Variants in ADAM12 observed in about 807,000 individuals in gnomAD.
ADAM12 encodes ADAM metallopeptidase domain 12, also known as disintegrin and metalloproteinase domain-containing protein 12.
In ADAM12, 70 loss-of-function variants were observed where a neutral mutation model predicts 106.4. The observed-to-expected ratio is 0.66, with a 90% CI of 0.54 to 0.80. The LOEUF (loss-of-function observed/expected upper bound fraction) is 0.80. ADAM12 is among the 30% of genes least tolerant of loss of function. The probability of loss-of-function intolerance (pLI) is 0.00; values close to 1 mark genes in which losing one functional copy is unlikely to be tolerated. For synonymous variants in ADAM12, 420 were observed against 433.5 expected, an observed-to-expected ratio of 0.97 and a Z score of 0.39; for missense variants, 1,010 against 1,171.9, an observed-to-expected ratio of 0.86 and a Z score of 2.02.
intron 3 of ADAM12, among the ~76,000 whole-genome samples, chr10:126,187,511 C>A (rs1450143509): frequency 6.6e-6 from 1 of 152,114 alleles, no homozygotes; most frequent in African/African-American, 2.4e-5. Flanking sequence ...AGGCAGAAGG[C>A]TCAGGTCTGG....
chr10:126,190,015 GA>G (rs1345586263), intron 3 of ADAM12, among the ~76,000 whole-genome samples: 1 of 152,022 alleles, frequency 6.6e-6, no homozygotes, highest in East Asian at 1.9e-4. Flanking sequence ...TTGTGAATGG[GA>G]TCCTGAGCTC....
intron 4 of ADAM12, among the ~76,000 whole-genome samples, chr10:126,152,542 G>A (rs1956746245): frequency 6.7e-6 from 1 of 150,320 alleles, no homozygotes; most frequent in Non-Finnish European, 1.5e-5. Flanking sequence ...CTTCTCTGAT[G>A]TTACCACTAC....
rs1381658015 is a variant in ADAM12 at position 126,340,674 on chromosome 10, C to T, written c.89-10165G>A. On this transcript the variant is annotated intron_variant, in intron 1 of 22. Coordinates refer to ENST00000448723, the MANE Select transcript of ADAM12 (RefSeq NM_001288973.2). The stretch of plus-strand genomic sequence containing the variant: ...CTCTACTGCCACCATACTGACCAGC[C>T]TCCTGACCCCTTAATAGTGCTCAGC... 2.0e-5 allele frequency among the ~76,000 whole-genome samples: 3 copies of T among 152,048 alleles called. No homozygotes were observed. The East Asian group carries it at 5.8e-4, about 29-fold the overall frequency.
chr10:126,283,263 C>T (rs76856987), intron 2 of ADAM12, among the ~76,000 whole-genome samples: 2 of 152,106 alleles, frequency 1.3e-5, no homozygotes, highest in East Asian at 1.9e-4. Context: ...CGCCTGCTGC[C>T]GTGTGACCTG....
At chr10:126,254,806 A>T (rs1420379337) in intron 3 of ADAM12, among the ~76,000 whole-genome samples, 1 of 152,178 alleles carries the variant, frequency 6.6e-6, no homozygotes, top group Non-Finnish European at 1.5e-5. Flanking sequence ...ACCTGTTCAG[A>T]AATTGCTTCA....
intron 4 of ADAM12, among the ~76,000 whole-genome samples, chr10:126,143,908 T>C (rs776649967): frequency 1.7e-4 from 26 of 152,192 alleles, no homozygotes; most frequent in Non-Finnish European, 3.4e-4. Context: ...ACAATGCATC[T>C]GAGCAAAGAA....
At chr10:126,160,088 C>T (rs1468528057) in intron 3 of ADAM12, among the ~76,000 whole-genome samples, 2 of 152,082 alleles carry the variant, frequency 1.3e-5, no homozygotes, top group African/African-American at 4.8e-5. Context: ...CACTTGTGTA[C>T]ATTGTATCTT....
chr10:126,192,440 G>A (rs1348927796), intron 3 of ADAM12, among the ~76,000 whole-genome samples: 1 of 152,076 alleles, frequency 6.6e-6, no homozygotes, highest in Non-Finnish European at 1.5e-5. Flanking sequence ...CCTTCCAAAG[G>A]CTTATGTTCA....
At chr10:126,054,992 A>G (rs1954597604) in intron 14 of ADAM12, among the ~76,000 whole-genome samples, 2 of 152,204 alleles carry the variant, frequency 1.3e-5, no homozygotes, top group Non-Finnish European at 2.9e-5. Context: ...CATGGTCTCC[A>G]GGGCCTTACA....
intron 3 of ADAM12, among the ~76,000 whole-genome samples, chr10:126,212,081 G>A (rs533079820): frequency 1.6e-4 from 24 of 152,340 alleles, no homozygotes; most frequent in African/African-American, 5.5e-4. Context: ...ACTCCCAGGC[G>A]TGACTGCTGC....
intron 1 of ADAM12, among the ~76,000 whole-genome samples, chr10:126,368,764 G>C (rs968630665): frequency 6.6e-6 from 1 of 151,686 alleles, no homozygotes; most frequent in African/African-American, 2.4e-5. Flanking sequence ...CACTTCAAAA[G>C]TTTAAAATGA....
At chr10:126,304,915 T>G (rs1565202579) in intron 2 of ADAM12, among the ~76,000 whole-genome samples, 2 of 151,996 alleles carry the variant, frequency 1.3e-5, no homozygotes, top group Non-Finnish European at 2.9e-5. Context: ...TTATAATGGT[T>G]GAGTTGAAGA....
intron 21 of ADAM12, among the ~76,000 whole-genome samples, chr10:126,029,309 A>G (rs2133386756): frequency 6.6e-6 from 1 of 152,322 alleles, no homozygotes; most frequent in East Asian, 1.9e-4. Context: ...CTGCAGCACT[A>G]TTCACAATAG....
Position 126,049,595 on chromosome 10 carries a change from CTT to C in ADAM12, c.1682_1683del (p.Lys561SerfsTer15). ...CATTTGGCAAAGGAACTCTTCGAGACTTTGCCACAGTTGCCATAAGGATCACC... is the reference window on the plus strand; with the variant it reads ...CATTTGGCAAAGGAACTCTTCGAGACTGCCACAGTTGCCATAAGGATCACC... ...SAGDPYGNCG[K>X]VSKSSFAKCE... On this transcript the variant is annotated frameshift_variant, in exon 15 of 23. Coordinates refer to ENST00000448723, the MANE Select transcript of ADAM12 (RefSeq NM_001288973.2). LOFTEE classifies it high-confidence loss of function. This position sits in a 1 kb window ranked among gnomAD's most constrained non-coding sequence, Gnocchi z 4.4. 4 of 1,614,220 alleles carry C rather than the reference CTT, an allele frequency of 2.5e-6. No individual in the cohort carries two copies. The highest frequency in any genetic ancestry group is 3.4e-6 in the Non-Finnish European group (4 of 1,180,054).
intron 11 of ADAM12, among the ~76,000 whole-genome samples, chr10:126,081,892 A>AC (rs1422513325): frequency 6.6e-6 from 1 of 152,230 alleles, no homozygotes; most frequent in Non-Finnish European, 1.5e-5. Context: ...TATAGAATGT[A>AC]GTACTTGTAG....
chr10:126,155,328 T>G, intron 3 of ADAM12, 23 bp from the exon 4 acceptor site: 1 of 1,603,298 alleles, frequency 6.2e-7, no homozygotes, highest in Non-Finnish European at 8.5e-7. Context: ...AAAAACACCA[T>G]AAAAAGATGA....
At chr10:126,186,318 G>A (rs1447543605) in intron 3 of ADAM12, among the ~76,000 whole-genome samples, 1 of 152,212 alleles carries the variant, frequency 6.6e-6, no homozygotes, top group African/African-American at 2.4e-5. Flanking sequence ...AAAAGTGAGA[G>A]TCTATTGCCG....
intron 3 of ADAM12, among the ~76,000 whole-genome samples, chr10:126,268,065 CT>C (rs59167464): frequency 0.05 from 7,613 of 152,244 alleles, 330 homozygotes; most frequent in African/African-American, 0.11. Flanking sequence ...TGACATCCAT[CT>C]CCATAAGTCT....
chr10:126,388,041 C>T lies in ADAM12; in HGVS notation c.88+17G>A, dbSNP rs1327627684. 5 of 1,210,750 alleles carry T rather than the reference C, an allele frequency of 4.1e-6. No homozygotes were observed. Among genetic ancestry groups the T allele is most frequent in the South Asian group, 8.1e-5 (2 of 24,624 alleles). The allele number at this position is 1,210,750 out of a possible 1,614,324, so 75.0% of individuals were successfully genotyped here. On this transcript the variant is annotated intron_variant, in intron 1 of 22. Transcript: ENST00000448723. This position sits in a 1 kb window ranked among gnomAD's most constrained non-coding sequence, Gnocchi z 4.4. ...TCGGCGGGGCGGGCAGCGAGCCGCC[C>T]TAGTTCGGCGACTTACCTCGGGCCT...
Sources: allele counts gnomAD v4.1 joint callset (sites outside exome capture counted in the v4.1 genomes callset), GRCh38; gene constraint gnomAD v4.1.1; non-coding constraint Gnocchi (gnomAD v3.1); transcripts MANE v1.5; gene names NCBI Gene and HGNC (gene_info 2026-07-23, HGNC 2026-07-21).